Variants in PIEZO2 observed in about 807,000 individuals in gnomAD.
The protein encoded by PIEZO2 is piezo type mechanosensitive ion channel component 2, also known as piezo-type mechanosensitive ion channel component 2.
PIEZO2 carries 172 observed loss-of-function variants against 337.3 expected under a neutral mutation model. The ratio of observed to expected loss-of-function variants is 0.51; its 90% CI spans 0.45 to 0.58. The LOEUF (loss-of-function observed/expected upper bound fraction) is 0.58. Ranked by LOEUF, PIEZO2 falls within the 20% of genes least tolerant of loss-of-function variation. PIEZO2 has a pLI of 0.00. For missense variants in PIEZO2, 3,028 were observed against 3,391.3 expected (o/e 0.89, Z 2.66); for synonymous variants, 1,251 against 1,228.5 (o/e 1.02, Z -0.38).
At chr18:10,887,842 C>T (rs1022822678) in intron 4 of PIEZO2, among the ~76,000 whole-genome samples, 1 of 152,158 alleles carries the variant, frequency 6.6e-6, no homozygotes, top group African/African-American at 2.4e-5. Context: ...AAAACATACA[C>T]AGACATGGTG....
rs773865613 is a variant in PIEZO2 at position 10,718,009 on chromosome 18, T to C, written c.5089+191A>G. 2.0e-5 allele frequency among the ~76,000 whole-genome samples: 3 copies of C among 152,224 alleles called. No individual in the cohort carries two copies. The South Asian group carries it at 6.2e-4, about 31-fold the overall frequency. On this transcript the variant is annotated intron_variant, in intron 37 of 55. Coordinates refer to ENST00000674853, the MANE Select transcript of PIEZO2 (RefSeq NM_001378183.1). ...CAACATTTTATCCAACTGCATAAAG[T>C]CCAGACCTACTTTTAAGAGTCATTT...
intron 3 of PIEZO2, among the ~76,000 whole-genome samples, chr18:10,976,870 G>A (rs2034459216): frequency 6.6e-6 from 1 of 152,124 alleles, no homozygotes; most frequent in Admixed American, 6.5e-5. Context: ...CTACACTTGA[G>A]ATGACTACCT....
At chr18:10,719,643 T>TC (rs2036172029) in intron 36 of PIEZO2, among the ~76,000 whole-genome samples, 1 of 152,228 alleles carries the variant, frequency 6.6e-6, no homozygotes, top group Admixed American at 6.5e-5. Flanking sequence ...CTATTGTGAA[T>TC]AGTGCTACAA....
At position 10,794,826 on chromosome 18, in the gene PIEZO2, A is replaced by C. The variant is rs916721248; in HGVS notation, c.1704T>G (p.Ile568Met). The change falls in exon 13 of 56, where the codon ATT becomes ATG. Residue 568 changes from isoleucine to methionine, a missense_variant. Ile to Met is a conservative substitution (Grantham distance 10). Around this residue, in one of 5 missense-constraint regions of PIEZO2, gnomAD observed 50 missense variants for 88.2 expected, o/e 0.57. Transcript: ENST00000674853. The surrounding 1 kb of genome is among the most constrained non-coding windows in gnomAD (Gnocchi z 6.6). ...TTTCTAAAAATCCTGGAACTTTTTT[A>C]ATTTCAGGAAGTTCAAAACTCCATA... ...QYIWSFELPEIKKVPGFLEKK... is the reference protein window; with the variant it reads ...QYIWSFELPEMKKVPGFLEKK... 3.3e-6 allele frequency: 5 copies of C among 1,536,114 alleles called. No homozygotes were observed. Among genetic ancestry groups the C allele is most frequent in the Admixed American group, 2.0e-5 (1 of 50,828 alleles).
In PIEZO2 at chr18:11,131,609, GGAA is replaced by G. The variant is rs2040342018; in HGVS notation, c.64+16913_64+16915del. ...ATGCACCTGGCTGTGCACGTTGCAT[GGAA>G]GAAGAAATGGCCAGATATGTGATTA... On this transcript the variant is annotated intron_variant, in intron 1 of 55. Transcript: ENST00000674853. This position sits in a 1 kb window ranked among gnomAD's most constrained non-coding sequence, Gnocchi z 5.3. Among the ~76,000 whole-genome samples, 1 of 152,202 alleles carries G rather than the reference GGAA, an allele frequency of 6.6e-6. No individual in the cohort carries two copies. Among genetic ancestry groups the G allele is most frequent in the Non-Finnish European group, 1.5e-5 (1 of 68,038 alleles).
chr18:11,141,355 A>G (rs2040639053), intron 1 of PIEZO2, among the ~76,000 whole-genome samples: 1 of 152,270 alleles, frequency 6.6e-6, no homozygotes, highest in South Asian at 2.1e-4. Flanking sequence ...TTGCCCACTG[A>G]GAAAAGCCCC....
intron 7 of PIEZO2, among the ~76,000 whole-genome samples, chr18:10,825,591 C>T (rs1282278796): frequency 7.6e-6 from 1 of 131,964 alleles, no homozygotes; most frequent in African/African-American, 3.2e-5. Flanking sequence ...TGTTTTGTCA[C>T]CCAGGCTGGA....
In PIEZO2 at chr18:10,867,831, A is replaced by G. The variant is rs77289015; in HGVS notation, c.492+3422T>C. Among the ~76,000 whole-genome samples, 604 of 152,366 alleles carry G rather than the reference A, an allele frequency of 4.0e-3. 4 individuals are homozygous for G. Among genetic ancestry groups the G allele is most frequent in the African/African-American group, 0.014 (578 of 41,580 alleles). On this transcript the variant is annotated intron_variant, in intron 5 of 55. Coordinates refer to ENST00000674853, the MANE Select transcript of PIEZO2 (RefSeq NM_001378183.1). ...TTCTTATTTAAGATTTCAGATCAGG[A>G]AACTTTCTCCCAGTTATGACTGATT...
At chr18:10,810,336 C>T (rs570025637) in intron 7 of PIEZO2, among the ~76,000 whole-genome samples, 1 of 152,326 alleles carries the variant, frequency 6.6e-6, no homozygotes, top group South Asian at 2.1e-4. Flanking sequence ...CACTTTGGAA[C>T]CTGGTCTGTC....
Position 11,071,218 on chromosome 18 carries a change from T to A in PIEZO2, c.65-4996A>T, listed in dbSNP as rs535016986. ...TAAAGGTTCAAAGCAGAAAGAAATG[T>A]TCACACCACAGATTGGAGTGACAGG... On this transcript the variant is annotated intron_variant, in intron 1 of 55. Coordinates refer to ENST00000674853, the MANE Select transcript of PIEZO2 (RefSeq NM_001378183.1). Among the ~76,000 whole-genome samples, 27 of 152,324 alleles carry A rather than the reference T, an allele frequency of 1.8e-4. No individual in the cohort carries two copies. In the South Asian group the frequency reaches 5.6e-3, roughly 32 times the overall value.
At chr18:10,981,094 T>C (rs1040902072) in intron 2 of PIEZO2, among the ~76,000 whole-genome samples, 3 of 152,178 alleles carry the variant, frequency 2.0e-5, no homozygotes, top group African/African-American at 7.2e-5. Flanking sequence ...TATATATCAA[T>C]TGTGTAAGCC....
rs111603361 is a variant in PIEZO2, at chr18:10,820,887, T to C, written c.918-13613A>G. On this transcript the variant is annotated intron_variant, in intron 7 of 55. Coordinates refer to ENST00000674853, the MANE Select transcript of PIEZO2 (RefSeq NM_001378183.1). The stretch of plus-strand genomic sequence containing the variant: ...CTCAGTCCCAGTAGAGTAGAAGAAT[T>C]CTTCACTCTGGCCAAAGCTAAAATA... Among the ~76,000 whole-genome samples the C allele has an allele frequency of 1.7e-3, 254 of 152,296 alleles. 2 individuals are homozygous for C. The highest frequency in any genetic ancestry group is 3.2e-3 in the Non-Finnish European group (220 of 68,016).
chr18:11,136,095 A>G (rs1742352505), intron 1 of PIEZO2, among the ~76,000 whole-genome samples: 1 of 152,222 alleles, frequency 6.6e-6, no homozygotes, highest in Non-Finnish European at 1.5e-5. Flanking sequence ...CATCTTTTAA[A>G]ATAACTTACA....
chr18:10,758,954 T>C lies in PIEZO2; in HGVS notation c.3757+528A>G, dbSNP rs981482982. 2.6e-5 allele frequency among the ~76,000 whole-genome samples: 4 copies of C among 152,258 alleles called. No individual in the cohort carries two copies. The East Asian group carries it at 7.8e-4, about 30-fold the overall frequency. ...AAACTTGTTTAGGCAGGGCAGTCATTTGCATTTTCTGTAAAACCCAGCACT... is the reference window on the plus strand; with the variant it reads ...AAACTTGTTTAGGCAGGGCAGTCATCTGCATTTTCTGTAAAACCCAGCACT... On this transcript the variant is annotated intron_variant, in intron 26 of 55. Coordinates refer to ENST00000674853, the MANE Select transcript of PIEZO2 (RefSeq NM_001378183.1).
chr18:11,026,394 C>T (rs895846356), intron 2 of PIEZO2, among the ~76,000 whole-genome samples: 4 of 152,150 alleles, frequency 2.6e-5, no homozygotes, highest in African/African-American at 7.2e-5. Flanking sequence ...CAAAGTTAGC[C>T]GTCTGCACCC....
At chr18:10,860,289 G>A (rs558466209) in intron 5 of PIEZO2, among the ~76,000 whole-genome samples, 48 of 152,286 alleles carry the variant, frequency 3.2e-4, no homozygotes, top group African/African-American at 1.1e-3. Flanking sequence ...AGACCACTCT[G>A]CCTTTCCAGA....
At chr18:11,013,043 C>CA (rs999359705) in intron 2 of PIEZO2, among the ~76,000 whole-genome samples, 3 of 150,756 alleles carry the variant, frequency 2.0e-5, no homozygotes, top group African/African-American at 4.9e-5. Flanking sequence ...GACCCTGTCT[C>CA]AAAAAAAAAG....
chr18:11,114,392 G>T (rs548951807), intron 1 of PIEZO2, among the ~76,000 whole-genome samples: 1 of 152,208 alleles, frequency 6.6e-6, no homozygotes, highest in Admixed American at 6.5e-5. Context: ...ACGGCCAAAC[G>T]TGGTGGCTCA....
rs544682077 is a variant in PIEZO2 at position 10,680,371 on chromosome 18, C to T, written c.7780G>A (p.Gly2594Ser). 6.2e-7 allele frequency: 1 copy of T among 1,612,952 alleles called. No individual in the cohort carries two copies. The highest frequency in any genetic ancestry group is 1.1e-5 in the South Asian group (1 of 90,932). ...TAATTTTCCAGAAATTGCATAGCAC[C>T]CTGTATGTGCACAAATGCACATGCA... ...KFIQAFSRDT[G>S]AMQFLENYEK... is the part of the protein sequence containing the mutation. Residue 2594 changes from glycine to serine, a missense_variant and splice_region_variant, in exon 52 of 56, where the codon GGT (glycine) becomes AGT (serine). Around this residue, in one of 5 missense-constraint regions of PIEZO2, gnomAD observed 332 missense variants for 363.8 expected, o/e 0.91. Transcript: ENST00000674853.
Sources: allele counts gnomAD v4.1 joint callset (sites outside exome capture counted in the v4.1 genomes callset), GRCh38; gene constraint gnomAD v4.1.1; regional missense constraint gnomAD v4.1.1; non-coding constraint Gnocchi (gnomAD v3.1); transcripts MANE v1.5; gene names NCBI Gene and HGNC (gene_info 2026-07-23, HGNC 2026-07-21).